The following RANBP17 variants were observed in gnomAD, a reference collection of about 807,000 sequenced individuals.
RANBP17 encodes RAN binding protein 17.
In RANBP17, 158 loss-of-function variants were observed where a neutral mutation model predicts 141.2. The observed-to-expected ratio is 1.12, with a 90% CI of 0.98 to 1.28. The LOEUF (loss-of-function observed/expected upper bound fraction) is 1.28, where lower values mean the gene tolerates loss of function less well. Ranked by LOEUF, RANBP17 falls within the 50% of genes most tolerant of loss-of-function variation. RANBP17 has a pLI of 0.00. For synonymous variants in RANBP17, 430 were observed against 450.0 expected (o/e 0.96, Z 0.56); for missense variants, 1,438 against 1,290.7 (o/e 1.11, Z -1.75).
chr5:171,172,681 A>G (rs1411129112), intron 16 of RANBP17, among the ~76,000 whole-genome samples: 2 of 151,830 alleles, frequency 1.3e-5, no homozygotes, highest in Non-Finnish European at 3.0e-5. Context: ...AGCCTCAGTT[A>G]TTTTATAGCA....
intron 14 of RANBP17, among the ~76,000 whole-genome samples, chr5:171,021,210 T>C (rs1449116242): frequency 6.6e-6 from 1 of 152,182 alleles, no homozygotes; most frequent in Non-Finnish European, 1.5e-5. Context: ...AACATTTTTT[T>C]CTGCATTTCA....
intron 14 of RANBP17, among the ~76,000 whole-genome samples, chr5:171,069,328 G>A (rs1365259837): frequency 6.6e-6 from 1 of 152,194 alleles, no homozygotes; most frequent in Non-Finnish European, 1.5e-5. Flanking sequence ...CTGCAGGTCT[G>A]GAAGTGATAG....
Position 171,241,017 on chromosome 5 carries a change from A to G in RANBP17, c.2512A>G (p.Lys838Glu), listed in dbSNP as rs1300579046. 6.2e-7 allele frequency: 1 copy of G among 1,613,906 alleles called. No homozygotes were observed. Among genetic ancestry groups the G allele is most frequent in the South Asian group, 1.1e-5 (1 of 91,064 alleles). ...CATCTCCATCTGCTATTCAGCTCTC[A>G]AGTCTGCCTTGTGTGGAAATTATGT... is the stretch of plus-strand genomic sequence containing the variant. ...KGISICYSAL[K>E]SALCGNYVSF... The change falls in exon 23 of 28, where the codon AAG becomes GAG. Residue 838 changes from lysine to glutamate, a missense_variant. Coordinates refer to ENST00000523189, the MANE Select transcript of RANBP17 (RefSeq NM_022897.5).
At position 171,012,485 on chromosome 5, in the gene RANBP17, T is replaced by C. The variant is rs540379122; in HGVS notation, c.1710+44108T>C. ...TGGAATCTATATATTATAGTTATTG[T>C]ACATTTCCTAGGATTCTTTTGAGAA... On this transcript the variant is annotated intron_variant, in intron 14 of 27. Coordinates refer to ENST00000523189, the MANE Select transcript of RANBP17 (RefSeq NM_022897.5). Among the ~76,000 whole-genome samples, 6 of 152,268 alleles carry C rather than the reference T, an allele frequency of 3.9e-5. No individual in the cohort carries two copies. The South Asian group carries it at 1.2e-3, about 32-fold the overall frequency.
chr5:170,899,164 T>A (rs897520114), intron 5 of RANBP17, among the ~76,000 whole-genome samples: 2 of 152,164 alleles, frequency 1.3e-5, no homozygotes, highest in African/African-American at 4.8e-5. Context: ...ATGGAATGTT[T>A]TTCCATTTGT....
chr5:171,170,899 G>C (rs924479542), intron 15 of RANBP17, among the ~76,000 whole-genome samples: 4 of 152,048 alleles, frequency 2.6e-5, no homozygotes, highest in Non-Finnish European at 5.9e-5. Context: ...TGTAACTCCT[G>C]CTTCTCCTCC....
At chr5:171,196,809 C>G (rs577512391) in intron 18 of RANBP17, among the ~76,000 whole-genome samples, 1 of 152,216 alleles carries the variant, frequency 6.6e-6, no homozygotes, top group South Asian at 2.1e-4. Flanking sequence ...AGGATTCAAG[C>G]ATAGATAAAC....
At chr5:171,112,944 A>C (rs1755350360) in intron 14 of RANBP17, among the ~76,000 whole-genome samples, 1 of 152,162 alleles carries the variant, frequency 6.6e-6, no homozygotes, top group Admixed American at 6.5e-5. Flanking sequence ...CCACAAGCAA[A>C]GTTATATAAG....
At chr5:171,251,097 AT>A (rs1250363568) in intron 24 of RANBP17, among the ~76,000 whole-genome samples, 1 of 152,094 alleles carries the variant, frequency 6.6e-6, no homozygotes, top group East Asian at 1.9e-4. Context: ...CTCAACAAAA[AT>A]TTTTTTTAGA....
intron 14 of RANBP17, among the ~76,000 whole-genome samples, chr5:171,169,596 G>T (rs1359690183): frequency 6.6e-6 from 1 of 152,114 alleles, no homozygotes; most frequent in Non-Finnish European, 1.5e-5. Flanking sequence ...AAAGTAAGAC[G>T]TACCTGTATA....
chr5:170,945,325 A>C (rs1369994826), intron 12 of RANBP17, among the ~76,000 whole-genome samples: 1 of 152,330 alleles, frequency 6.6e-6, no homozygotes, highest in Non-Finnish European at 1.5e-5. Flanking sequence ...CATGGATGTT[A>C]CATATTGGTA....
chr5:171,240,958 C>T lies in RANBP17; in HGVS notation c.2453C>T (p.Ser818Leu), dbSNP rs774534368. 1.2e-6 allele frequency: 2 copies of T among 1,613,714 alleles called. No homozygotes were observed. Among genetic ancestry groups the T allele is most frequent in the Admixed American group, 3.3e-5 (2 of 60,004 alleles). ...CAGATCCTGTCCCTTGGGAGCCTCT[C>T]AAAAGATCAGATTTATCCAATGAAA... ...GNQILSLGSL[S>L]KDQIYPMKLK... Residue 818 changes from serine (S) to leucine (L), a missense_variant, in exon 23 of 28, where the codon TCA (serine) becomes TTA (leucine). Transcript: ENST00000523189.
intron 1 of RANBP17, among the ~76,000 whole-genome samples, chr5:170,868,855 A>C (rs1767480774): frequency 2.0e-5 from 3 of 152,208 alleles, no homozygotes; most frequent in Admixed American, 2.0e-4. Context: ...TGCTAAACAG[A>C]AGATTGCTTG....
intron 14 of RANBP17, among the ~76,000 whole-genome samples, chr5:170,998,294 C>T (rs910888727): frequency 4.6e-5 from 7 of 152,018 alleles, no homozygotes; most frequent in African/African-American, 7.2e-5. Flanking sequence ...ATAATGGTCA[C>T]GTTGGAGCAA....
chr5:171,155,094 A>AAAAAATATAT (rs34090443), intron 14 of RANBP17, among the ~76,000 whole-genome samples: 3 of 74,964 alleles, frequency 4.0e-5, no homozygotes, highest in African/African-American at 1.0e-4. Context: ...AAAAAAAAAA[A>AAAAAATATAT]ATATATATAT....
chr5:170,895,158 G>A (rs562451280), intron 4 of RANBP17, among the ~76,000 whole-genome samples: 1 of 152,142 alleles, frequency 6.6e-6, no homozygotes, highest in Non-Finnish European at 1.5e-5. Context: ...TGCAAAAATT[G>A]TGAGACCTTT....
At chr5:171,180,817 C>T (rs530235435) in intron 16 of RANBP17, among the ~76,000 whole-genome samples, 1 of 152,216 alleles carries the variant, frequency 6.6e-6, no homozygotes, top group South Asian at 2.1e-4. Context: ...TGCCGTTCTG[C>T]AGAAAATGTG....
chr5:170,989,747 C>A (rs1484364954), intron 14 of RANBP17, among the ~76,000 whole-genome samples: 2 of 151,764 alleles, frequency 1.3e-5, no homozygotes, highest in South Asian at 2.1e-4. Flanking sequence ...CTGGTCTTTG[C>A]TAACTCATGT....
At position 170,882,883 on chromosome 5, in the gene RANBP17, T is replaced by G. The variant is rs372925049; in HGVS notation, c.256+987T>G. 4.1e-4 allele frequency among the ~76,000 whole-genome samples: 63 copies of G among 152,292 alleles called. 1 individual carries two copies. The South Asian group carries it at 0.013, about 31-fold the overall frequency. On this transcript the variant is annotated intron_variant, in intron 3 of 27. Coordinates refer to ENST00000523189, the MANE Select transcript of RANBP17 (RefSeq NM_022897.5). ...TTCATATGGACAAAATTGTAATAATTGAGGTGTGGGGTTTTTTGGGTCATC... is the reference window on the plus strand; with the variant it reads ...TTCATATGGACAAAATTGTAATAATGGAGGTGTGGGGTTTTTTGGGTCATC...
Sources: gnomAD v4.1 joint callset for allele counts (sites outside exome capture counted in the v4.1 genomes callset) on GRCh38, gnomAD v4.1.1 for gene constraint, MANE v1.5 for transcripts, NCBI Gene and HGNC (gene_info 2026-07-23, HGNC 2026-07-21) for gene names.